The following UBXN4 variants were observed in gnomAD, a reference collection of about 807,000 sequenced individuals.
UBXN4 encodes UBX domain-containing protein 4.
Under a neutral mutation model 66.2 loss-of-function variants are expected in UBXN4, and 35 were observed. The observed-to-expected ratio is 0.53, with a 90% CI of 0.40 to 0.70. The LOEUF is 0.70. Among genes scored for constraint, UBXN4 ranks in the 30% least tolerant of loss-of-function variants. The pLI, the probability that UBXN4 is intolerant of heterozygous loss-of-function variation, is 0.00. For synonymous variants in UBXN4, 203 were observed against 204.5 expected, an observed-to-expected ratio of 0.99 and a Z score of 0.06; for missense variants, 533 against 599.8, an observed-to-expected ratio of 0.89 and a Z score of 1.16.
chr2:135,742,201 C>A (rs909538001), intron 1 of UBXN4, among the ~76,000 whole-genome samples, 190 bp downstream of exon 1: 1 of 152,206 alleles, frequency 6.6e-6, no homozygotes, highest in Non-Finnish European at 1.5e-5. Flanking sequence ...AGGGGCCATG[C>A]AGACCCTCAG....
chr2:135,775,371 G>A (rs1002003696), intron 9 of UBXN4, among the ~76,000 whole-genome samples: 5 of 152,218 alleles, frequency 3.3e-5, no homozygotes, highest in African/African-American at 1.2e-4. Context: ...AGCAGCATTA[G>A]TCAAAATAGC....
In UBXN4 at chr2:135,780,311, T is replaced by A. The variant is rs201807021; in HGVS notation, c.1314T>A (p.Pro438=). 1 of 1,614,130 alleles carries A rather than the reference T, an allele frequency of 6.2e-7. No homozygotes were observed. Among genetic ancestry groups the A allele is most frequent in the African/African-American group, 1.3e-5 (1 of 75,048 alleles). ...GCAATTTCTTGTTTAGTAATCCGCC[T>A]CCCACACAGACTTCAGTGAGAGTAA... is the stretch of plus-strand genomic sequence containing the variant. ...LISNFLFSNP[P]PTQTSVRVTS... is the part of the protein sequence containing the mutation. The change falls in exon 12 of 13, where the codon CCT becomes CCA. Residue 438 remains proline (P), a synonymous_variant. Coordinates refer to ENST00000272638, the MANE Select transcript of UBXN4 (RefSeq NM_014607.4).
chr2:135,758,676 C>G (rs937008019), intron 5 of UBXN4, among the ~76,000 whole-genome samples: 3 of 152,042 alleles, frequency 2.0e-5, no homozygotes, highest in Non-Finnish European at 4.4e-5. Context: ...TAGAACAAAT[C>G]TCAGGTAAAA....
In UBXN4 at chr2:135,782,144, TA is replaced by T. The variant is rs139201097; in HGVS notation, c.1389-601del. On this transcript the variant is annotated intron_variant, in intron 12 of 12. Coordinates refer to ENST00000272638, the MANE Select transcript of UBXN4 (RefSeq NM_014607.4). ...TCTTAGATTAGAGCAAAGGATGGAA[TA>T]AAAGGTGTGTCAAAGAGAGGGTGAA... is the stretch of plus-strand genomic sequence containing the variant. Among the ~76,000 whole-genome samples, 905 of 152,354 alleles carry T rather than the reference TA, an allele frequency of 5.9e-3. 13 individuals are homozygous for T. The highest frequency in any genetic ancestry group is 0.021 in the African/African-American group (871 of 41,590).
chr2:135,756,918 C>T (rs1442911684), intron 5 of UBXN4, among the ~76,000 whole-genome samples: 3 of 152,196 alleles, frequency 2.0e-5, no homozygotes, highest in African/African-American at 2.4e-5. Flanking sequence ...TGAGAAGTCT[C>T]CACAAATTCT....
chr2:135,756,364 A>G (rs1296695000), intron 5 of UBXN4, among the ~76,000 whole-genome samples: 1 of 152,182 alleles, frequency 6.6e-6, no homozygotes, highest in African/African-American at 2.4e-5. Context: ...CAATGATGGG[A>G]AGCTCATTAC....
intron 2 of UBXN4, 111 bp from the exon 3 acceptor site, chr2:135,753,426 CTG>C (rs1344408947): frequency 2.6e-6 from 2 of 779,548 alleles, no homozygotes; most frequent in Non-Finnish European, 3.8e-6. Context: ...GTGAAAGAAA[CTG>C]GTAGTTGCAG....
intron 2 of UBXN4, among the ~76,000 whole-genome samples, chr2:135,750,835 C>CTTTTTT (rs1166056661): frequency 5.2e-5 from 4 of 77,470 alleles, no homozygotes; most frequent in East Asian, 9.6e-4. Context: ...ATGTGTCTGG[C>CTTTTTT]TTTTTTTTTT....
intron 5 of UBXN4, 80 bp downstream of exon 5, chr2:135,755,771 ATATAT>A: frequency 6.7e-6 from 6 of 895,740 alleles, no homozygotes; most frequent in Non-Finnish European, 8.5e-6. Flanking sequence ...TATTTTAAAA[ATATAT>A]TGTATGTATT....
intron 10 of UBXN4, among the ~76,000 whole-genome samples, chr2:135,778,181 A>AC (rs1156761972): frequency 6.6e-6 from 1 of 151,116 alleles, no homozygotes; most frequent in Admixed American, 6.6e-5. Flanking sequence ...TCTCAAAAAA[A>AC]AAAAAAACAA....
intron 8 of UBXN4, among the ~76,000 whole-genome samples, chr2:135,771,266 C>T (rs1466847872): frequency 4.6e-5 from 7 of 152,114 alleles, no homozygotes; most frequent in Non-Finnish European, 7.3e-5. Flanking sequence ...CACCTCAGGT[C>T]GGGAGTTCAA....
At chr2:135,752,844 C>T (rs965999918) in intron 2 of UBXN4, among the ~76,000 whole-genome samples, 1 of 151,752 alleles carries the variant, frequency 6.6e-6, no homozygotes, top group Non-Finnish European at 1.5e-5. Context: ...CCTCAGCCTC[C>T]TGAGTAGCCG....
chr2:135,762,616 T>G (rs6729961), intron 6 of UBXN4, among the ~76,000 whole-genome samples: 20,262 of 152,192 alleles, frequency 0.13, 1,653 homozygotes, highest in South Asian at 0.29. Context: ...TTGCTGATAT[T>G]GTCTTTGAGT....
In UBXN4 at chr2:135,755,590, C is replaced by G. The variant is rs372855836; in HGVS notation, c.407C>G (p.Ala136Gly). The change falls in exon 5 of 13, where the codon GCG becomes GGG. Residue 136 changes from alanine to glycine, a missense_variant. Around this residue, in one of 2 missense-constraint regions of UBXN4, gnomAD observed 529 missense variants for 580.1 expected, o/e 0.91. Coordinates refer to ENST00000272638, the MANE Select transcript of UBXN4 (RefSeq NM_014607.4). ...QSESSVSTPSASFEPNNTCEN... is the reference protein window; with the variant it reads ...QSESSVSTPSGSFEPNNTCEN... ...GAAAGTTCAGTGTCTACTCCATCTG[C>G]GTCATTTGAACCTAACAACACTTGT... 1 of 1,610,062 alleles carries G rather than the reference C, an allele frequency of 6.2e-7. No homozygotes were observed. Among genetic ancestry groups the G allele is most frequent in the Admixed American group, 1.7e-5 (1 of 59,500 alleles).
chr2:135,748,402 A>G, intron 2 of UBXN4, 33 bp downstream of exon 2: 1 of 1,441,204 alleles, frequency 6.9e-7, no homozygotes. Flanking sequence ...TATTAATTTT[A>G]AAATTTATAA....
At chr2:135,760,091 G>A (rs1192244857) in intron 5 of UBXN4, among the ~76,000 whole-genome samples, 1 of 152,092 alleles carries the variant, frequency 6.6e-6, no homozygotes, top group Admixed American at 6.6e-5. Context: ...TTAGGAATTA[G>A]CAGTTAAATA....
At chr2:135,745,057 A>G (rs1222199927) in intron 1 of UBXN4, among the ~76,000 whole-genome samples, 1 of 152,248 alleles carries the variant, frequency 6.6e-6, no homozygotes, top group African/African-American at 2.4e-5. Flanking sequence ...TCAGCTACTT[A>G]CGTGATATCA....
chr2:135,782,463 C>T (rs1322087447), intron 12 of UBXN4, among the ~76,000 whole-genome samples: 1 of 152,148 alleles, frequency 6.6e-6, no homozygotes, highest in Non-Finnish European at 1.5e-5. Context: ...GGCAAATGGT[C>T]ACACTCCTCT....
chr2:135,778,822 T>C (rs2105509563), intron 10 of UBXN4, 126 bp from the exon 11 acceptor site: 1 of 1,066,946 alleles, frequency 9.4e-7, no homozygotes, highest in African/African-American at 1.6e-5. Flanking sequence ...TTATACCTTT[T>C]TTTGAGTTTA....
Sources: gnomAD v4.1 joint callset for allele counts (sites outside exome capture counted in the v4.1 genomes callset) on GRCh38, gnomAD v4.1.1 for gene constraint, gnomAD v4.1.1 regional missense constraint, MANE v1.5 for transcripts, NCBI Gene and HGNC (gene_info 2026-07-23, HGNC 2026-07-21) for gene names.